Variants in PPP2R2C observed in about 807,000 individuals in gnomAD.
PPP2R2C encodes protein phosphatase 2, regulatory subunit B, gamma.
PPP2R2C carries 10 observed loss-of-function variants against 45.3 expected under a neutral mutation model. The ratio of observed to expected loss-of-function variants is 0.22; its 90% confidence interval spans 0.14 to 0.37. The LOEUF (loss-of-function observed/expected upper bound fraction) is 0.37. Among genes scored for constraint, PPP2R2C ranks in the 10% least tolerant of loss-of-function variants. PPP2R2C has a pLI of 1.00. For synonymous variants in PPP2R2C, 257 were observed against 245.4 expected, an observed-to-expected ratio of 1.05 and a Z score of -0.44; for missense variants, 308 against 619.7, an observed-to-expected ratio of 0.50 and a Z score of 5.34.
intron 1 of PPP2R2C, among the ~76,000 whole-genome samples, chr4:6,453,908 C>G: frequency 6.6e-6 from 1 of 152,208 alleles, no homozygotes; most frequent in East Asian, 1.9e-4. Context: ...CACCCCCACC[C>G]GGCCCTGTTT....
Position 6,323,048 on chromosome 4 carries a change from T to G in PPP2R2C, c.*254A>C. 4.8e-6 allele frequency: 2 copies of G among 418,824 alleles called. No individual in the cohort carries two copies. The highest frequency in any genetic ancestry group is 8.5e-6 in the Non-Finnish European group (2 of 236,610). The allele number at this position is 418,824 out of a possible 1,614,324, so 25.9% of individuals were successfully genotyped here. On this transcript the variant is annotated 3_prime_UTR_variant, in exon 9 of 9. Coordinates refer to ENST00000382599, the MANE Select transcript of PPP2R2C (RefSeq NM_020416.4). ...GTAAGACTCCACAGTCATGTCCATT[T>G]TATGATTTGTGGCGGTGAACGCTTC...
At chr4:6,338,992 A>G (rs760321695) in intron 6 of PPP2R2C, among the ~76,000 whole-genome samples, 8 of 152,230 alleles carry the variant, frequency 5.3e-5, no homozygotes, top group South Asian at 2.1e-4. Context: ...TAGCTGCTCA[A>G]TAAAACTACG....
chr4:6,529,302 A>G (rs1184062446), intron 2 of PPP2R2C, among the ~76,000 whole-genome samples: 2 of 152,228 alleles, frequency 1.3e-5, no homozygotes, highest in East Asian at 3.8e-4. Context: ...CACACACGAC[A>G]AAGAGCCTCA....
intron 1 of PPP2R2C, among the ~76,000 whole-genome samples, chr4:6,448,455 C>T (rs866544677): frequency 6.6e-6 from 1 of 152,000 alleles, no homozygotes; most frequent in Non-Finnish European, 1.5e-5. Context: ...CCACCAGGGC[C>T]GGCCCCACCT....
In PPP2R2C at chr4:6,375,733, G is replaced by A. The variant is rs546180108; in HGVS notation, c.447+86C>T. 5.1e-5 allele frequency: 61 copies of A among 1,193,614 alleles called. No homozygotes were observed. In the African/African-American group the frequency reaches 8.9e-4, roughly 17 times the overall value. The allele number at this position is 1,193,614 out of a possible 1,614,324, so 73.9% of individuals were successfully genotyped here. On this transcript the variant is annotated intron_variant, in intron 4 of 8. Transcript: ENST00000382599. ...CAACCAGGGTCTGCACCTGACTCTG[G>A]CTCAAATCTCAAAGGCTTTTCCAGC...
chr4:6,399,839 C>T (rs371267841), intron 1 of PPP2R2C, among the ~76,000 whole-genome samples: 23 of 152,232 alleles, frequency 1.5e-4, no homozygotes, highest in East Asian at 9.6e-4. Flanking sequence ...AAATGCAGAA[C>T]GTCCAGTCCA....
rs55770433 is a variant in PPP2R2C at position 6,368,799 on chromosome 4, C to A, written c.625+3724G>T. Reference sequence around the variant, plus strand: ...TCCTTGCTGGTTCCCAAGCCGCCAGCCTTGTCTGCTGGAATCCAATCCACC... The same window carrying A: ...TCCTTGCTGGTTCCCAAGCCGCCAGACTTGTCTGCTGGAATCCAATCCACC... On this transcript the variant is annotated intron_variant, in intron 5 of 8. Coordinates refer to ENST00000382599, the MANE Select transcript of PPP2R2C (RefSeq NM_020416.4). The surrounding 1 kb of genome is among the most constrained non-coding windows in gnomAD (Gnocchi z 4.2). 0.025 allele frequency among the ~76,000 whole-genome samples: 3,769 copies of A among 152,224 alleles called. 70 individuals are homozygous for A. The highest frequency in any genetic ancestry group is 0.033 in the Non-Finnish European group (2,270 of 68,018).
intron 1 of PPP2R2C, among the ~76,000 whole-genome samples, chr4:6,556,151 C>T (rs1277559079): frequency 6.6e-6 from 1 of 152,122 alleles, no homozygotes; most frequent in Non-Finnish European, 1.5e-5. Flanking sequence ...GACGGGGCCA[C>T]GGGATGCCCA....
chr4:6,420,795 C>T (rs16838785), intron 1 of PPP2R2C, among the ~76,000 whole-genome samples: 2,273 of 152,250 alleles, frequency 0.015, 59 homozygotes, highest in African/African-American at 0.052. Flanking sequence ...TCGACGATGA[C>T]GGCACAGATA....
At chr4:6,361,671 G>C (rs1713744000) in intron 5 of PPP2R2C, among the ~76,000 whole-genome samples, 1 of 152,252 alleles carries the variant, frequency 6.6e-6, no homozygotes, top group African/African-American at 2.4e-5. Context: ...TACAGTGCTT[G>C]TCACCCCCTG....
chr4:6,561,472 T>TG (rs1400851961), intron 1 of PPP2R2C, among the ~76,000 whole-genome samples: 3 of 142,110 alleles, frequency 2.1e-5, no homozygotes, highest in Non-Finnish European at 4.6e-5. Context: ...CGGAAGGAGG[T>TG]GGGGGGAGGG....
rs145119603 is a variant in PPP2R2C at position 6,328,255 on chromosome 4, C to T, written c.1052+1007G>A. Reference sequence around the variant, plus strand: ...GAGGTGACAGTACATGGGCTCCTGACAGGTGGTATTCTGATCTAGCAGCCA... The same window carrying T: ...GAGGTGACAGTACATGGGCTCCTGATAGGTGGTATTCTGATCTAGCAGCCA... On this transcript the variant is annotated intron_variant, in intron 8 of 8. Transcript: ENST00000382599. The surrounding 1 kb of genome is among the most constrained non-coding windows in gnomAD (Gnocchi z 4.4). Among the ~76,000 whole-genome samples the T allele has an allele frequency of 8.5e-5, 13 of 152,296 alleles. No homozygotes were observed. The East Asian group carries it at 2.5e-3, about 29-fold the overall frequency.
chr4:6,545,865 CT>C (rs1724963456), intron 1 of PPP2R2C, among the ~76,000 whole-genome samples: 1 of 152,164 alleles, frequency 6.6e-6, no homozygotes, highest in Non-Finnish European at 1.5e-5. Flanking sequence ...CAGTATTTCG[CT>C]GACCAACATC....
At chr4:6,543,391 T>C (rs377656742) in intron 1 of PPP2R2C, among the ~76,000 whole-genome samples, 2 of 151,432 alleles carry the variant, frequency 1.3e-5, no homozygotes, top group African/African-American at 4.9e-5. Context: ...CCAATGAACA[T>C]GGTCACCAAA....
chr4:6,351,155 T>TA (rs1302030294), intron 5 of PPP2R2C: 191 of 609,252 alleles, frequency 3.1e-4, no homozygotes, highest in Middle Eastern at 1.7e-3. Context: ...AAATAAAAAA[T>TA]AAAAAAAAAT....
At chr4:6,365,437 C>A (rs143328517) in intron 5 of PPP2R2C, among the ~76,000 whole-genome samples, 1 of 152,090 alleles carries the variant, frequency 6.6e-6, no homozygotes, top group African/African-American at 2.4e-5. Context: ...CTTGTCTACA[C>A]GGCACCAGGC....
At chr4:6,397,850 A>C (rs1345096472) in intron 1 of PPP2R2C, among the ~76,000 whole-genome samples, 1 of 151,758 alleles carries the variant, frequency 6.6e-6, no homozygotes, top group Non-Finnish European at 1.5e-5. Context: ...ATGACTTTGC[A>C]ATAAATAAAT....
intron 1 of PPP2R2C, among the ~76,000 whole-genome samples, chr4:6,419,408 A>G (rs1718817382): frequency 6.6e-6 from 1 of 151,924 alleles, no homozygotes; most frequent in South Asian, 2.1e-4. Flanking sequence ...CTCCTAGGCG[A>G]CAGAGTGAGA....
chr4:6,359,074 AG>A (rs1432115169), intron 5 of PPP2R2C, among the ~76,000 whole-genome samples: 1 of 152,250 alleles, frequency 6.6e-6, no homozygotes, highest in Non-Finnish European at 1.5e-5. Context: ...TATTCACAAT[AG>A]CAAAGACTTG....
Sources: gnomAD v4.1 joint callset for allele counts (sites outside exome capture counted in the v4.1 genomes callset) on GRCh38, gnomAD v4.1.1 for gene constraint, Gnocchi (gnomAD v3.1) non-coding constraint, MANE v1.5 for transcripts, NCBI Gene and HGNC (gene_info 2026-07-23, HGNC 2026-07-21) for gene names.